Variants in LYPLAL1 observed in about 807,000 individuals in gnomAD.
LYPLAL1 encodes the protein lysophospholipase like 1, also known as lysophospholipase-like protein 1.
In LYPLAL1, 23 loss-of-function variants were observed where a neutral mutation model predicts 19.7. The ratio of observed to expected loss-of-function variants is 1.17; its 90% CI spans 0.84 to 1.65. The LOEUF is 1.65. LYPLAL1 is among the 40% of genes most tolerant of loss of function. The pLI is 0.00. For missense variants in LYPLAL1, 355 were observed against 279.4 expected (o/e 1.27, Z -1.93); for synonymous variants, 119 against 96.3 (o/e 1.24, Z -1.38).
At chr1:219,280,395 C>T in the LYPLAL1 span, among the ~76,000 whole-genome samples, 453 of 152,254 alleles carry the variant, frequency 3.0e-3, 4 homozygotes, top group African/African-American at 0.01. Context: ...CTCATTTAGA[C>T]AACTGGATAT....
At chr1:219,404,870 C>T in the LYPLAL1 span, among the ~76,000 whole-genome samples, 2 of 152,204 alleles carry the variant, frequency 1.3e-5, no homozygotes, top group Admixed American at 6.5e-5. Flanking sequence ...ACCTCAACTC[C>T]ACTGAGTCAT....
the LYPLAL1 span, among the ~76,000 whole-genome samples, chr1:219,414,932 A>G: frequency 1.3e-5 from 2 of 152,236 alleles, no homozygotes; most frequent in African/African-American, 4.8e-5. Flanking sequence ...AAGAACACTC[A>G]TCTCTAGGCT....
At chr1:219,193,960 C>G (rs1283658933) in intron 3 of LYPLAL1, among the ~76,000 whole-genome samples, 1 of 151,800 alleles carries the variant, frequency 6.6e-6, no homozygotes, top group Non-Finnish European at 1.5e-5. Flanking sequence ...AATTAAGTAT[C>G]CCCATTATGT....
chr1:219,401,734 T>A, the LYPLAL1 span, among the ~76,000 whole-genome samples: 1 of 152,182 alleles, frequency 6.6e-6, no homozygotes, highest in South Asian at 2.1e-4. Context: ...AATCCATAAG[T>A]AGCAAAATGT....
At chr1:219,426,300 G>GT in the LYPLAL1 span, among the ~76,000 whole-genome samples, 2 of 152,088 alleles carry the variant, frequency 1.3e-5, no homozygotes, top group Admixed American at 6.5e-5. Context: ...GTCATTAGTG[G>GT]TTTTTTTAAT....
chr1:219,210,443 G>A (rs1658920816), intron 3 of LYPLAL1, 89 bp from the exon 4 acceptor site: 1 of 937,754 alleles, frequency 1.1e-6, no homozygotes, highest in African/African-American at 1.6e-5. Context: ...AAGGTCTCCA[G>A]ATATTTTAAA....
At chr1:219,177,400 T>C (rs1572148108) in intron 1 of LYPLAL1, among the ~76,000 whole-genome samples, 1 of 152,200 alleles carries the variant, frequency 6.6e-6, no homozygotes, top group Non-Finnish European at 1.5e-5. Flanking sequence ...AACTCATTCT[T>C]AGCTTATCCT....
At chr1:219,358,591 C>T in the LYPLAL1 span, among the ~76,000 whole-genome samples, 1 of 152,040 alleles carries the variant, frequency 6.6e-6, no homozygotes, top group African/African-American at 2.4e-5. Context: ...TACAGGGTGG[C>T]AGGCGAAAGA....
chr1:219,314,635 G>A, the LYPLAL1 span, among the ~76,000 whole-genome samples: 53,659 of 151,908 alleles, frequency 0.35, 9,800 homozygotes, highest in Non-Finnish European at 0.4. Flanking sequence ...TAGTAGAGAC[G>A]GGGTTTCACC....
the LYPLAL1 span, among the ~76,000 whole-genome samples, chr1:219,325,142 G>C: frequency 1.5e-4 from 23 of 152,210 alleles, no homozygotes; most frequent in South Asian, 4.6e-3. Flanking sequence ...CCGAGCAGTG[G>C]GTCAGGCCAG....
the LYPLAL1 span, among the ~76,000 whole-genome samples, chr1:219,228,743 G>T: frequency 6.6e-6 from 1 of 151,904 alleles, no homozygotes; most frequent in Non-Finnish European, 1.5e-5. Context: ...GCAATGGCGC[G>T]ATCTTGGCTC....
chr1:219,410,054 C>T, the LYPLAL1 span: 1 of 152,148 alleles, frequency 6.6e-6, no homozygotes, highest in Non-Finnish European at 1.5e-5. Context: ...CTATGTATTG[C>T]TTATTTTTCA....
the LYPLAL1 span, among the ~76,000 whole-genome samples, chr1:219,248,740 C>T: frequency 6.6e-6 from 1 of 152,058 alleles, no homozygotes; most frequent in Non-Finnish European, 1.5e-5. Flanking sequence ...AAATAAATAG[C>T]TTACTCAACA....
chr1:219,308,866 G>A, the LYPLAL1 span, among the ~76,000 whole-genome samples: 1 of 152,180 alleles, frequency 6.6e-6, no homozygotes, highest in Non-Finnish European at 1.5e-5. Context: ...TCCCTGCTGG[G>A]GCACTGCCTA....
chr1:219,243,542 G>A, the LYPLAL1 span, among the ~76,000 whole-genome samples: 1 of 152,078 alleles, frequency 6.6e-6, no homozygotes, highest in Admixed American at 6.6e-5. Context: ...GCATGATGGA[G>A]AAAAGGAGAT....
chr1:219,331,687 C>T, the LYPLAL1 span, among the ~76,000 whole-genome samples: 4 of 152,116 alleles, frequency 2.6e-5, no homozygotes, highest in Non-Finnish European at 4.4e-5. Context: ...GGCCAAGGGC[C>T]GGACACAATG....
Position 219,211,948 on chromosome 1 carries a change from G to T in LYPLAL1, c.*220G>T. 1 of 364,466 alleles carries T rather than the reference G, an allele frequency of 2.7e-6. No homozygotes were observed. The highest frequency in any genetic ancestry group is 4.3e-5 in the East Asian group (1 of 23,302). 22.6% of individuals were successfully genotyped at this position (364,466 alleles called of 1,614,324 possible). On this transcript the variant is annotated 3_prime_UTR_variant, in exon 5 of 5. Transcript: ENST00000366928. The stretch of plus-strand genomic sequence containing the variant: ...TTCAGACACAATTCTGTAAATATTT[G>T]GAAACCTTTTAAGTATTTAAACTTT...
At chr1:219,402,135 G>T in the LYPLAL1 span, among the ~76,000 whole-genome samples, 1 of 151,940 alleles carries the variant, frequency 6.6e-6, no homozygotes, top group Non-Finnish European at 1.5e-5. Context: ...ACAGAGAATT[G>T]GATTAGTTTC....
the LYPLAL1 span, among the ~76,000 whole-genome samples, chr1:219,339,048 TCTAG>T: frequency 6.6e-6 from 1 of 151,828 alleles, no homozygotes; most frequent in Non-Finnish European, 1.5e-5. Context: ...TCAGAGATAA[TCTAG>T]AAGAAGGAAC....
Sources: gnomAD v4.1 joint callset for allele counts (sites outside exome capture counted in the v4.1 genomes callset) on GRCh38, gnomAD v4.1.1 for gene constraint, MANE v1.5 for transcripts, NCBI Gene and HGNC (gene_info 2026-07-23, HGNC 2026-07-21) for gene names.